The following RARB variants were observed in gnomAD, a reference collection of about 807,000 sequenced individuals.
RARB encodes retinoic acid receptor beta.
In RARB, 17 loss-of-function variants were observed where a neutral mutation model predicts 51.9. The ratio of observed to expected loss-of-function variants is 0.33; its 90% CI spans 0.22 to 0.49. The LOEUF is 0.49. Among genes scored for constraint, RARB ranks in the 20% least tolerant of loss-of-function variants. The pLI, the probability that RARB is intolerant of heterozygous loss-of-function variation, is 0.99. For missense variants in RARB, 369 were observed against 550.8 expected, an observed-to-expected ratio of 0.67 and a Z score of 3.30; for synonymous variants, 215 against 195.4, an observed-to-expected ratio of 1.10 and a Z score of -0.84.
intron 3 of RARB, among the ~76,000 whole-genome samples, chr3:25,129,719 T>C (rs1699915744): frequency 6.6e-6 from 1 of 152,004 alleles, no homozygotes; most frequent in Non-Finnish European, 1.5e-5. Context: ...TTTAGAAAAA[T>C]TCATGAAAAG....
At chr3:25,564,582 C>G (rs1428694873) in intron 3 of RARB, among the ~76,000 whole-genome samples, 2 of 152,198 alleles carry the variant, frequency 1.3e-5, no homozygotes, top group African/African-American at 4.8e-5. Flanking sequence ...TAGGCCCTGA[C>G]AGTGGACAGA....
intron 3 of RARB, among the ~76,000 whole-genome samples, chr3:25,125,209 C>T (rs575341711): frequency 3.9e-5 from 6 of 152,188 alleles, no homozygotes; most frequent in East Asian, 1.9e-4. Flanking sequence ...CAGAGAAAGA[C>T]GAAGTTTAAT....
chr3:25,043,592 T>A (rs1049547241), intron 2 of RARB, among the ~76,000 whole-genome samples: 4 of 152,230 alleles, frequency 2.6e-5, no homozygotes, highest in Non-Finnish European at 5.9e-5. Context: ...AGCTTATTCC[T>A]CCCATGGAGT....
rs375115840 is a variant in RARB, at chr3:25,105,235, A to C, written c.-327-26926A>C. ...AATCCCCACAGAGCATCTACACACC[A>C]CTGGACTTTTTTCCTCCCCTACCTA... On this transcript the variant is annotated intron_variant, in intron 3 of 11. Transcript: ENST00000383772. Among the ~76,000 whole-genome samples, 30 of 152,196 alleles carry C rather than the reference A, an allele frequency of 2.0e-4. No homozygotes were observed. The East Asian group carries it at 4.8e-3, about 25-fold the overall frequency.
chr3:25,581,806 C>T (rs906583331), intron 5 of RARB, among the ~76,000 whole-genome samples: 1 of 152,104 alleles, frequency 6.6e-6, no homozygotes, highest in African/African-American at 2.4e-5. Flanking sequence ...AGCAGGAAGG[C>T]AGCTGTGACC....
chr3:25,583,483 C>G (rs1408042976), intron 5 of RARB, among the ~76,000 whole-genome samples: 1 of 152,184 alleles, frequency 6.6e-6, no homozygotes, highest in Non-Finnish European at 1.5e-5. Context: ...GGTCTCTCAA[C>G]AAGACAAGGT....
intron 2 of RARB, among the ~76,000 whole-genome samples, chr3:24,885,453 C>A (rs1035655498): frequency 2.0e-5 from 3 of 152,098 alleles, no homozygotes; most frequent in African/African-American, 7.2e-5. Context: ...ATCTGTGGTT[C>A]TGAATATTAA....
intron 2 of RARB, among the ~76,000 whole-genome samples, chr3:24,885,301 GA>G (rs916095926): frequency 6.6e-6 from 1 of 152,102 alleles, no homozygotes; most frequent in Non-Finnish European, 1.5e-5. Flanking sequence ...ATGCCTTTGG[GA>G]ATTTGGTAAT....
chr3:25,402,166 A>G (rs1024478557), intron 5 of RARB, among the ~76,000 whole-genome samples: 3 of 152,210 alleles, frequency 2.0e-5, no homozygotes, highest in African/African-American at 4.8e-5. Context: ...AAATTTTCCA[A>G]AATTAGTGGG....
intron 3 of RARB, among the ~76,000 whole-genome samples, chr3:25,091,350 G>A (rs1699196027): frequency 6.6e-6 from 1 of 152,118 alleles, no homozygotes; most frequent in South Asian, 2.1e-4. Context: ...GATTTCCTTA[G>A]GAAAATGAAT....
At chr3:24,930,639 CCAA>C (rs1461027354) in intron 2 of RARB, among the ~76,000 whole-genome samples, 2 of 151,996 alleles carry the variant, frequency 1.3e-5, no homozygotes, top group East Asian at 3.9e-4. Context: ...TGCTATGTGC[CCAA>C]CACGGTTCCA....
intron 2 of RARB, among the ~76,000 whole-genome samples, chr3:24,959,843 A>G (rs1429442311): frequency 6.6e-6 from 1 of 152,248 alleles, no homozygotes; most frequent in Non-Finnish European, 1.5e-5. Context: ...CTTTGTTTAT[A>G]GTCATCTTAT....
chr3:25,573,275 T>C (rs1700782559), intron 4 of RARB, among the ~76,000 whole-genome samples: 1 of 152,188 alleles, frequency 6.6e-6, no homozygotes, highest in Non-Finnish European at 1.5e-5. Flanking sequence ...CCTCGGCTTC[T>C]GGCCTAAGAG....
At chr3:24,973,267 CA>C (rs1379105455) in intron 2 of RARB, among the ~76,000 whole-genome samples, 1 of 152,008 alleles carries the variant, frequency 6.6e-6, no homozygotes. Context: ...GCACTTTTGT[CA>C]AAACTGAGTT....
intron 2 of RARB, among the ~76,000 whole-genome samples, chr3:24,946,127 T>C (rs1454327583): frequency 6.6e-6 from 1 of 151,732 alleles, no homozygotes; most frequent in Non-Finnish European, 1.5e-5. Context: ...CAGCCAGGTG[T>C]GGTGGCAGCT....
intron 2 of RARB, among the ~76,000 whole-genome samples, chr3:25,040,895 A>G (rs1209930101): frequency 1.3e-5 from 2 of 152,330 alleles, no homozygotes; most frequent in East Asian, 1.9e-4. Flanking sequence ...CTCGAGTCCT[A>G]TAAGCCTGAA....
intron 3 of RARB, among the ~76,000 whole-genome samples, chr3:25,529,880 T>C (rs1317720298): frequency 6.6e-6 from 1 of 152,206 alleles, no homozygotes; most frequent in Non-Finnish European, 1.5e-5. Context: ...CTTTTACAGC[T>C]ACGCAAGGTA....
intron 1 of RARB, among the ~76,000 whole-genome samples, chr3:24,854,869 A>G (rs1404988960): frequency 6.6e-6 from 1 of 152,222 alleles, no homozygotes; most frequent in Non-Finnish European, 1.5e-5. Flanking sequence ...AGGCTGCTCA[A>G]AACGATCTGC....
At chr3:25,115,851 G>C (rs1014378877) in intron 3 of RARB, among the ~76,000 whole-genome samples, 2 of 151,860 alleles carry the variant, frequency 1.3e-5, no homozygotes, top group Non-Finnish European at 2.9e-5. Context: ...GGCTGATCTC[G>C]AACTTCTGGC....
Sources: allele counts gnomAD v4.1 joint callset (sites outside exome capture counted in the v4.1 genomes callset), GRCh38; gene constraint gnomAD v4.1.1; transcripts MANE v1.5; gene names NCBI Gene and HGNC (gene_info 2026-07-23, HGNC 2026-07-21).